Variants in PPP2R5C observed in about 807,000 individuals in gnomAD.
PPP2R5C encodes the protein serine/threonine-protein phosphatase 2A 56 kDa regulatory subunit gamma isoform.
A neutral mutation model predicts 68.9 loss-of-function variants in PPP2R5C; 7 were observed. The observed-to-expected ratio is 0.10, with a 90% confidence interval of 0.06 to 0.19. The LOEUF (loss-of-function observed/expected upper bound fraction) is 0.19, where lower values mean the gene tolerates loss of function less well. Among genes scored for constraint, PPP2R5C ranks in the 10% least tolerant of loss-of-function variants. The probability of loss-of-function intolerance (pLI) is 1.00; values close to 1 mark genes in which losing one functional copy is unlikely to be tolerated. For missense variants in PPP2R5C, 348 were observed against 641.3 expected (o/e 0.54, Z 4.94); for synonymous variants, 210 against 222.2 (o/e 0.95, Z 0.49).
rs1366232444 is a variant in PPP2R5C at position 101,882,349 on chromosome 14, C to G, written c.405+78C>G. ...GCCTGGGATCCACAGAGCGGGCGCA[C>G]TGGTCTGGCCAGATGGACCTCTCCT... On this transcript the variant is annotated intron_variant, in intron 3 of 13. Transcript: ENST00000334743. The surrounding 1 kb of genome is among the most constrained non-coding windows in gnomAD (Gnocchi z 4.9). 2 of 1,108,992 alleles carry G rather than the reference C, an allele frequency of 1.8e-6. No individual in the cohort carries two copies. The highest frequency in any genetic ancestry group is 2.6e-5 in the East Asian group (1 of 38,980). 68.7% of individuals were successfully genotyped at this position (1,108,992 alleles called of 1,614,324 possible).
chr14:101,773,218 C>T (rs937066949), intron 2 of PPP2R5C, among the ~76,000 whole-genome samples: 10 of 152,148 alleles, frequency 6.6e-5, no homozygotes, highest in Admixed American at 2.6e-4. Context: ...GTGTTTTCTG[C>T]GGGGCACTAG....
At chr14:101,799,851 T>G (rs988590620) in intron 3 of PPP2R5C, among the ~76,000 whole-genome samples, 2 of 152,240 alleles carry the variant, frequency 1.3e-5, no homozygotes, top group Admixed American at 1.3e-4. Flanking sequence ...ATTTCCTTGG[T>G]TCAGACTTTC....
Position 101,899,580 on chromosome 14 carries a change from C to T in PPP2R5C, c.853-2139C>T, listed in dbSNP as rs928244380. On this transcript the variant is annotated intron_variant, in intron 8 of 13. Transcript: ENST00000334743. This position sits in a 1 kb window ranked among gnomAD's most constrained non-coding sequence, Gnocchi z 4.2. The stretch of plus-strand genomic sequence containing the variant: ...TGTGAATCCGATCCCAGAAATGATA[C>T]CTTTTCCAGAGAAATGGAATAGCTA... 6.6e-6 allele frequency among the ~76,000 whole-genome samples: 1 copy of T among 152,188 alleles called. No individual in the cohort carries two copies. Among genetic ancestry groups the T allele is most frequent in the East Asian group, 1.9e-4 (1 of 5,194 alleles).
chr14:101,860,449 A>G (rs374009553), intron 2 of PPP2R5C, among the ~76,000 whole-genome samples: 6 of 152,162 alleles, frequency 3.9e-5, no homozygotes, highest in Non-Finnish European at 5.9e-5. Flanking sequence ...GTTGATGGAC[A>G]CTATATTATG....
intron 10 of PPP2R5C, among the ~76,000 whole-genome samples, chr14:101,909,010 G>C (rs2046236359): frequency 6.6e-6 from 1 of 152,194 alleles, no homozygotes; most frequent in Admixed American, 6.5e-5. Context: ...GGGGATCGGG[G>C]CTCTTACAGG....
At chr14:101,761,046 C>CGGAAG (rs1286866453), upstream of PPP2R5C, among the ~76,000 whole-genome samples, 17 of 53,316 alleles carry the variant, frequency 3.2e-4, no homozygotes, top group African/African-American at 1.3e-3. Context: ...GGGGAGGGGA[C>CGGAAG]GGAGGGGAGG....
At position 101,791,205 on chromosome 14, in the gene PPP2R5C, C is replaced by T. The variant is rs116605939; in HGVS notation, c.259+5022C>T. On this transcript the variant is annotated intron_variant, in intron 3 of 14. Coordinates refer to the PPP2R5C transcript ENST00000328724. Reference sequence around the variant, plus strand: ...GATGTGGCCACATTCTTGCCAATATCTATTATTGTCTTTTCGATTATAGCT... The same window carrying T: ...GATGTGGCCACATTCTTGCCAATATTTATTATTGTCTTTTCGATTATAGCT... Among the ~76,000 whole-genome samples the T allele has an allele frequency of 4.8e-3, 731 of 152,346 alleles. 5 individuals carry two copies. Among genetic ancestry groups the T allele is most frequent in the African/African-American group, 0.017 (692 of 41,576 alleles).
At chr14:101,900,368 C>T (rs1012634057) in intron 8 of PPP2R5C, among the ~76,000 whole-genome samples, 11 of 152,206 alleles carry the variant, frequency 7.2e-5, no homozygotes, top group Non-Finnish European at 1.3e-4. Flanking sequence ...TGAGTTGGTG[C>T]GATCTACTGA....
chr14:101,787,245 G>A (rs1196609108), intron 3 of PPP2R5C, among the ~76,000 whole-genome samples: 1 of 152,016 alleles, frequency 6.6e-6, no homozygotes, highest in Non-Finnish European at 1.5e-5. Context: ...CTGAGATCTT[G>A]TTCTCAGGAA....
chr14:101,886,572 C>T (rs546098845), intron 5 of PPP2R5C, among the ~76,000 whole-genome samples: 7 of 151,974 alleles, frequency 4.6e-5, no homozygotes, highest in East Asian at 1.9e-4. Flanking sequence ...TCCTGATACG[C>T]GCAGTCAAAA....
intron 5 of PPP2R5C, among the ~76,000 whole-genome samples, chr14:101,886,289 A>G (rs1008878267): frequency 3.3e-5 from 5 of 152,202 alleles, no homozygotes; most frequent in Non-Finnish European, 7.3e-5. Flanking sequence ...TCAAAAAAAA[A>G]AAAAAAAAGT....
intron 1 of PPP2R5C, chr14:101,823,569 C>A (rs927317132): frequency 2.2e-5 from 4 of 181,378 alleles, no homozygotes; most frequent in African/African-American, 4.8e-5. Context: ...AAGCTCCTCG[C>A]AAAAGGGTTC....
intron 3 of PPP2R5C, among the ~76,000 whole-genome samples, chr14:101,787,590 C>A (rs544936499): frequency 1.4e-5 from 2 of 144,822 alleles, no homozygotes; most frequent in South Asian, 4.3e-4. Flanking sequence ...GGTGAAACCC[C>A]GTCTCTACTA....
chr14:101,814,139 T>G (rs749001893), intron 1 of PPP2R5C, among the ~76,000 whole-genome samples: 13 of 152,244 alleles, frequency 8.5e-5, no homozygotes, highest in Non-Finnish European at 5.9e-5. Context: ...CCTGTTATCT[T>G]TATTCCCTAA....
At chr14:101,828,402 C>T (rs1399747631) in intron 1 of PPP2R5C, among the ~76,000 whole-genome samples, 1 of 152,016 alleles carries the variant, frequency 6.6e-6, no homozygotes, top group Non-Finnish European at 1.5e-5. Flanking sequence ...TATGAATTTT[C>T]CATTTTTTTG....
At chr14:101,818,674 C>T in intron 1 of PPP2R5C, 1 of 213,330 alleles carries the variant, frequency 4.7e-6, no homozygotes, top group Admixed American at 5.2e-5. Flanking sequence ...TGGTTAATCT[C>T]AAATAGGGTG....
intron 2 of PPP2R5C, among the ~76,000 whole-genome samples, chr14:101,872,577 C>T (rs886577940): frequency 6.6e-6 from 1 of 152,074 alleles, no homozygotes; most frequent in Non-Finnish European, 1.5e-5. Flanking sequence ...AATTCCGTGT[C>T]GACCGTTTTA....
intron 2 of PPP2R5C, among the ~76,000 whole-genome samples, chr14:101,862,706 A>G (rs919229553): frequency 1.3e-5 from 2 of 152,230 alleles, no homozygotes; most frequent in South Asian, 4.1e-4. Flanking sequence ...ATTAAAACAG[A>G]CATTAAAGAA....
chr14:101,900,339 A>T (rs1006088561), intron 8 of PPP2R5C, among the ~76,000 whole-genome samples: 2 of 152,250 alleles, frequency 1.3e-5, no homozygotes, highest in Admixed American at 6.5e-5. Context: ...AATGACTAAA[A>T]GGCTGGCCTG....
Sources: gnomAD v4.1 joint callset for allele counts (sites outside exome capture counted in the v4.1 genomes callset) on GRCh38, gnomAD v4.1.1 for gene constraint, Gnocchi (gnomAD v3.1) non-coding constraint, MANE v1.5 for transcripts, NCBI Gene and HGNC (gene_info 2026-07-23, HGNC 2026-07-21) for gene names.